The following ZCCHC14 variants were observed in gnomAD, a reference collection of about 807,000 sequenced individuals.
ZCCHC14 encodes zinc finger CCHC domain-containing protein 14.
A neutral mutation model predicts 85.0 loss-of-function variants in ZCCHC14; 16 were observed. The ratio of observed to expected loss-of-function variants is 0.19; its 90% confidence interval spans 0.13 to 0.29. The LOEUF is 0.29. Among genes scored for constraint, ZCCHC14 ranks in the 10% least tolerant of loss-of-function variants. ZCCHC14 has a pLI of 1.00. For synonymous variants in ZCCHC14, 775 were observed against 630.7 expected (o/e 1.23, Z -3.43); for missense variants, 1,303 against 1,443.5 (o/e 0.90, Z 1.58).
intron 1 of ZCCHC14, among the ~76,000 whole-genome samples, chr16:87,461,811 G>C (rs561108946): frequency 1.1e-3 from 169 of 152,244 alleles, no homozygotes; most frequent in Non-Finnish European, 1.8e-3. Flanking sequence ...TCCATAGCGA[G>C]ATCCTCTGAT....
chr16:87,442,136 C>G (rs1304485397), intron 2 of ZCCHC14, among the ~76,000 whole-genome samples: 1 of 152,214 alleles, frequency 6.6e-6, no homozygotes, highest in Non-Finnish European at 1.5e-5. Flanking sequence ...GGTGCGTTCA[C>G]CCGGGGGCTG....
intron 2 of ZCCHC14, among the ~76,000 whole-genome samples, chr16:87,453,038 A>G (rs1910781116): frequency 6.6e-6 from 1 of 152,242 alleles, no homozygotes; most frequent in Non-Finnish European, 1.5e-5. Flanking sequence ...AGGAGTGGAC[A>G]CAGCCTGGGA....
chr16:87,448,046 T>C (rs561125344), intron 2 of ZCCHC14, among the ~76,000 whole-genome samples: 5 of 152,304 alleles, frequency 3.3e-5, no homozygotes, highest in Admixed American at 6.5e-5. Context: ...GAAAAAAACC[T>C]AATTGCATTA....
intron 1 of ZCCHC14, among the ~76,000 whole-genome samples, chr16:87,490,126 T>C (rs1912686143): frequency 6.6e-6 from 1 of 151,926 alleles, no homozygotes; most frequent in East Asian, 1.9e-4. Context: ...GTCTTGGAGG[T>C]AAATGTCACA....
intron 1 of ZCCHC14, among the ~76,000 whole-genome samples, chr16:87,477,151 A>AAAAT (rs1912054945): frequency 7.0e-6 from 1 of 142,184 alleles, no homozygotes; most frequent in African/African-American, 2.9e-5. Context: ...ACAAAACAAA[A>AAAAT]CCAAAAAAAA....
rs181982978 is a variant in ZCCHC14, at chr16:87,416,050, C to T, written c.1384-683G>A. ...CAAGTAATTCTCTGCCTCAGCCTCC[C>T]GAGTAGCTGGGATTACAGGCACCCA... On this transcript the variant is annotated intron_variant, in intron 8 of 12. Transcript: ENST00000671377. Among the ~76,000 whole-genome samples, 366 of 152,222 alleles carry T rather than the reference C, an allele frequency of 2.4e-3. 3 individuals are homozygous for T. Among genetic ancestry groups the T allele is most frequent in the Non-Finnish European group, 3.9e-3 (266 of 68,018 alleles).
chr16:87,431,023 C>T (rs572542371), intron 3 of ZCCHC14, among the ~76,000 whole-genome samples: 1 of 151,984 alleles, frequency 6.6e-6, no homozygotes, highest in Non-Finnish European at 1.5e-5. Flanking sequence ...GCCTGTGGTC[C>T]CAGCTACTAG....
intron 2 of ZCCHC14, among the ~76,000 whole-genome samples, chr16:87,436,591 G>C (rs909733476): frequency 2.6e-5 from 4 of 152,266 alleles, no homozygotes; most frequent in African/African-American, 7.2e-5. Context: ...AAGGCTGATA[G>C]AGCAGCAGGA....
At chr16:87,487,792 G>A (rs532675358) in intron 1 of ZCCHC14, among the ~76,000 whole-genome samples, 29 of 152,350 alleles carry the variant, frequency 1.9e-4, no homozygotes, top group African/African-American at 5.1e-4. Flanking sequence ...ACAGGGGAAC[G>A]CCACTCGGCA....
chr16:87,455,970 T>A (rs927701550), intron 2 of ZCCHC14, among the ~76,000 whole-genome samples: 3 of 152,236 alleles, frequency 2.0e-5, no homozygotes, highest in African/African-American at 7.2e-5. Flanking sequence ...GTGTATTCAC[T>A]GCATTGCAAC....
At chr16:87,426,963 C>T (rs1597409170) in intron 3 of ZCCHC14, among the ~76,000 whole-genome samples, 2 of 152,222 alleles carry the variant, frequency 1.3e-5, no homozygotes, top group Non-Finnish European at 2.9e-5. Flanking sequence ...GGCAGGAAGA[C>T]GAGGCAGCCG....
rs1020012448 is a variant in ZCCHC14, at chr16:87,491,526, G to A, written c.570+143C>T. On this transcript the variant is annotated intron_variant, in intron 1 of 12. Transcript: ENST00000671377. The surrounding 1 kb of genome is among the most constrained non-coding windows in gnomAD (Gnocchi z 5.9). ...TTGGGATACGGGCTGGGGGCTCGTGGTGCAGGTTGGAGACCTGGGTGGGAG... is the reference window on the plus strand; with the variant it reads ...TTGGGATACGGGCTGGGGGCTCGTGATGCAGGTTGGAGACCTGGGTGGGAG... 44 of 657,986 alleles carry A rather than the reference G, an allele frequency of 6.7e-5. No individual in the cohort carries two copies. Among genetic ancestry groups the A allele is most frequent in the Non-Finnish European group, 9.6e-5 (43 of 448,416 alleles). 40.8% of individuals were successfully genotyped at this position (657,986 alleles called of 1,614,324 possible).
intron 1 of ZCCHC14, among the ~76,000 whole-genome samples, chr16:87,482,917 C>A (rs187587669): frequency 6.6e-6 from 1 of 152,070 alleles, no homozygotes; most frequent in East Asian, 1.9e-4. Flanking sequence ...TACGGGGCGT[C>A]ATGTGTATTA....
At position 87,412,078 on chromosome 16, in the gene ZCCHC14, A is replaced by G. The variant is rs1330387341; in HGVS notation, c.2643T>C (p.Tyr881=). 9.3e-6 allele frequency: 15 copies of G among 1,612,470 alleles called. No individual in the cohort carries two copies. The highest frequency in any genetic ancestry group is 1.2e-5 in the Non-Finnish European group (14 of 1,180,022). ...ALSSVPESSF[Y]SSSGGGGSTG... ...TGGAGCCGCCACCGCCACTGCTGCT[A>G]TAGAAACTGCTTTCAGGGACGGAGG... The change falls in exon 12 of 13, where the codon TAT becomes TAC. Residue 881 remains tyrosine, a synonymous_variant. Coordinates refer to ENST00000671377, the MANE Select transcript of ZCCHC14 (RefSeq NM_015144.3).
chr16:87,467,714 C>T (rs576982319), intron 1 of ZCCHC14: 29 of 659,618 alleles, frequency 4.4e-5, no homozygotes, highest in Middle Eastern at 2.7e-4. Flanking sequence ...TGCAGTGGTG[C>T]GATCTTGGCT....
rs758822235 is a variant in ZCCHC14 at position 87,408,950 on chromosome 16, G to A, written c.*1330C>T. On this transcript the variant is annotated 3_prime_UTR_variant, in exon 13 of 13. Transcript: ENST00000671377. ...CATTTTCGATAAGAGTATTATTTGAGCAGAAAATTCCCTTTAACCTTGAAG... is the reference window on the plus strand; with the variant it reads ...CATTTTCGATAAGAGTATTATTTGAACAGAAAATTCCCTTTAACCTTGAAG... The A allele has an allele frequency of 6.5e-6, 1 of 152,712 alleles. No homozygotes were observed. The highest frequency in any genetic ancestry group is 2.4e-5 in the African/African-American group (1 of 41,548). 9.5% of individuals were successfully genotyped at this position (152,712 alleles called of 1,614,324 possible).
At chr16:87,449,145 G>C (rs1296670568) in intron 2 of ZCCHC14, among the ~76,000 whole-genome samples, 1 of 152,206 alleles carries the variant, frequency 6.6e-6, no homozygotes, top group African/African-American at 2.4e-5. Context: ...CCGTGAGGAA[G>C]GCGCTCATCT....
At chr16:87,426,488 C>A (rs543654344) in intron 3 of ZCCHC14, among the ~76,000 whole-genome samples, 1 of 152,260 alleles carries the variant, frequency 6.6e-6, no homozygotes, top group South Asian at 2.1e-4. Flanking sequence ...CCAATGTGCA[C>A]ACAGCCCGTG....
chr16:87,487,508 C>A (rs1313999767), intron 1 of ZCCHC14, among the ~76,000 whole-genome samples: 1 of 152,222 alleles, frequency 6.6e-6, no homozygotes. Context: ...CCACCTCCAG[C>A]TGCAGCTCCC....
Sources: allele counts gnomAD v4.1 joint callset (sites outside exome capture counted in the v4.1 genomes callset), GRCh38; gene constraint gnomAD v4.1.1; non-coding constraint Gnocchi (gnomAD v3.1); transcripts MANE v1.5; gene names NCBI Gene and HGNC (gene_info 2026-07-23, HGNC 2026-07-21).